The following STK39 variants were observed in gnomAD, a reference collection of about 807,000 sequenced individuals.
STK39 encodes STE20/SPS1-related proline-alanine-rich protein kinase.
A neutral mutation model predicts 77.8 loss-of-function variants in STK39; 20 were observed. That is an observed-to-expected ratio of 0.26 (90% CI 0.18 to 0.37). The LOEUF (loss-of-function observed/expected upper bound fraction) is 0.37. Ranked by LOEUF, STK39 falls within the 10% of genes least tolerant of loss-of-function variation. The pLI is 1.00. For missense variants in STK39, 479 were observed against 656.5 expected (o/e 0.73, Z 2.95); for synonymous variants, 246 against 234.1 (o/e 1.05, Z -0.47).
chr2:168,216,119 A>G (rs1379178938), intron 1 of STK39, among the ~76,000 whole-genome samples: 3 of 141,940 alleles, frequency 2.1e-5, no homozygotes, highest in Non-Finnish European at 3.2e-5. Flanking sequence ...GACAGGAAAC[A>G]GAGTTCAGAT....
chr2:167,980,805 G>A lies in STK39; in HGVS notation c.1499-16079C>T, dbSNP rs147637208. On this transcript the variant is annotated intron_variant, in intron 16 of 17. Transcript: ENST00000355999. ...AATTTCCAAAGCCTTTAAAGTAAAG[G>A]TTTTATCTTCATTTCTTCTTCTTTT... is the stretch of plus-strand genomic sequence containing the variant. 8.2e-3 allele frequency among the ~76,000 whole-genome samples: 1,228 copies of A among 150,342 alleles called. 11 individuals are homozygous for A. The highest frequency in any genetic ancestry group is 0.028 in the African/African-American group (1,128 of 40,920).
intron 14 of STK39, among the ~76,000 whole-genome samples, chr2:168,043,817 G>T (rs377751517): frequency 2.6e-5 from 4 of 152,294 alleles, no homozygotes; most frequent in African/African-American, 7.2e-5. Context: ...TTCAAAGCTA[G>T]AGGATTTTAA....
intron 10 of STK39, among the ~76,000 whole-genome samples, chr2:168,090,615 C>T (rs908215471): frequency 2.0e-5 from 3 of 152,196 alleles, no homozygotes; most frequent in Admixed American, 2.0e-4. Flanking sequence ...ACTACTAGTG[C>T]ACAACAGGTA....
intron 10 of STK39, among the ~76,000 whole-genome samples, chr2:168,087,626 T>TA (rs1686403572): frequency 1.3e-5 from 2 of 152,218 alleles, no homozygotes; most frequent in Non-Finnish European, 2.9e-5. Context: ...TAGGCTTGCC[T>TA]AGACCGCCCC....
At chr2:168,184,398 A>G (rs1689156756) in intron 1 of STK39, among the ~76,000 whole-genome samples, 2 of 152,226 alleles carry the variant, frequency 1.3e-5, no homozygotes, top group African/African-American at 4.8e-5. Context: ...TTGTCACAAC[A>G]TGGATGGATT....
intron 1 of STK39, among the ~76,000 whole-genome samples, chr2:168,216,509 CTGTT>C (rs1690027983): frequency 1.3e-5 from 2 of 152,162 alleles, no homozygotes; most frequent in African/African-American, 4.8e-5. Context: ...TTGTGTTTGG[CTGTT>C]TGAAGATCTC....
chr2:167,985,592 A>G (rs914347658), intron 16 of STK39, among the ~76,000 whole-genome samples: 7 of 152,284 alleles, frequency 4.6e-5, no homozygotes, highest in Admixed American at 2.0e-4. Flanking sequence ...CTACAGCTTC[A>G]CTACCTGGCA....
chr2:168,093,756 C>T (rs1686588946), intron 10 of STK39, among the ~76,000 whole-genome samples: 1 of 152,182 alleles, frequency 6.6e-6, no homozygotes. Context: ...CACTGCCACA[C>T]TGCTGCCTCA....
chr2:168,230,965 A>G (rs1189849071), intron 1 of STK39, among the ~76,000 whole-genome samples: 1 of 152,024 alleles, frequency 6.6e-6, no homozygotes, highest in East Asian at 1.9e-4. Context: ...AGACCTGACT[A>G]CAGAATCCCA....
At position 167,999,191 on chromosome 2, in the gene STK39, C is replaced by A. The variant is rs140431199; in HGVS notation, c.1498+13443G>T. Among the ~76,000 whole-genome samples, 4 of 152,312 alleles carry A rather than the reference C, an allele frequency of 2.6e-5. No homozygotes were observed. In the South Asian group the frequency reaches 8.3e-4, roughly 32 times the overall value. ...CATTATTTCTACACATGCCTATCTA[C>A]GACTTCACTCAAATGTCTCCCTCAG... On this transcript the variant is annotated intron_variant, in intron 16 of 17. Transcript: ENST00000355999.
intron 1 of STK39, among the ~76,000 whole-genome samples, chr2:168,225,918 A>G (rs1278445694): frequency 6.6e-6 from 1 of 152,166 alleles, no homozygotes; most frequent in East Asian, 1.9e-4. Flanking sequence ...GGGACTCACT[A>G]AAAACTAGAT....
chr2:168,117,913 G>C (rs887340891), intron 10 of STK39, among the ~76,000 whole-genome samples: 1 of 152,080 alleles, frequency 6.6e-6, no homozygotes, highest in African/African-American at 2.4e-5. Flanking sequence ...CAATCAGGGA[G>C]AAAAGACAGT....
chr2:168,025,603 GA>G (rs1446539289), intron 14 of STK39, among the ~76,000 whole-genome samples: 4 of 152,288 alleles, frequency 2.6e-5, no homozygotes, highest in East Asian at 1.9e-4. Context: ...ACAACAGCAG[GA>G]AAAAGGGCTG....
intron 1 of STK39, among the ~76,000 whole-genome samples, chr2:168,230,066 T>A (rs896685136): frequency 6.6e-6 from 1 of 152,206 alleles, no homozygotes; most frequent in Admixed American, 6.5e-5. Flanking sequence ...AAAACAAAAG[T>A]TAGATGAATG....
intron 15 of STK39, among the ~76,000 whole-genome samples, chr2:168,014,630 A>G (rs1029800582): frequency 1.3e-5 from 2 of 152,170 alleles, no homozygotes; most frequent in East Asian, 3.8e-4. Context: ...CATAACTGGC[A>G]TCTTCCTGGA....
chr2:168,221,915 CTAAAGAA>C (rs879844903), intron 1 of STK39, among the ~76,000 whole-genome samples: 3 of 152,120 alleles, frequency 2.0e-5, no homozygotes, highest in Admixed American at 2.0e-4. Flanking sequence ...TCAGGTCTTT[CTAAAGAA>C]TAGACTCTCC....
intron 1 of STK39, 92 bp downstream of exon 1, chr2:168,247,136 C>A: frequency 1.2e-6 from 1 of 867,192 alleles, no homozygotes; most frequent in Non-Finnish European, 1.4e-6. Context: ...GCCTCCAGGG[C>A]GTGCATGCAG....
chr2:168,242,560 A>AATATATATAT (rs59941306), intron 1 of STK39, among the ~76,000 whole-genome samples: 9 of 44,850 alleles, frequency 2.0e-4, no homozygotes, highest in South Asian at 7.2e-4. Flanking sequence ...AAAAAAAAAA[A>AATATATATAT]ATATATATAT....
intron 14 of STK39, among the ~76,000 whole-genome samples, chr2:168,025,774 G>A (rs76260772): frequency 0.036 from 5,470 of 152,246 alleles, 348 homozygotes; most frequent in African/African-American, 0.12. Context: ...AAAGAGCCAC[G>A]AAGTGAAAGG....
Sources: gnomAD v4.1 joint callset for allele counts (sites outside exome capture counted in the v4.1 genomes callset) on GRCh38, gnomAD v4.1.1 for gene constraint, MANE v1.5 for transcripts, NCBI Gene and HGNC (gene_info 2026-07-23, HGNC 2026-07-21) for gene names.